SLC25A21: variants seen among roughly 807,000 people sequenced by gnomAD.
SLC25A21 encodes the protein mitochondrial 2-oxodicarboxylate carrier.
In SLC25A21, 47 loss-of-function variants were observed where a neutral mutation model predicts 43.8. The observed-to-expected ratio is 1.07, with a 90% CI of 0.85 to 1.37. SLC25A21 has a LOEUF of 1.37. Ranked by LOEUF, SLC25A21 falls within the 40% of genes most tolerant of loss-of-function variation. The pLI is 0.00. For synonymous variants in SLC25A21, 131 were observed against 121.3 expected, an observed-to-expected ratio of 1.08 and a Z score of -0.52; for missense variants, 352 against 350.2, an observed-to-expected ratio of 1.00 and a Z score of -0.04.
chr14:36,914,670 T>C (rs1038231873), intron 1 of SLC25A21, among the ~76,000 whole-genome samples: 1 of 152,182 alleles, frequency 6.6e-6, no homozygotes, highest in Non-Finnish European at 1.5e-5. Context: ...ACACCTTTTA[T>C]GATAAGCCAA....
At chr14:37,128,538 C>CTCTCTGTGTGTG (rs1555348857) in intron 1 of SLC25A21, among the ~76,000 whole-genome samples, 81 of 122,790 alleles carry the variant, frequency 6.6e-4, no homozygotes, top group Middle Eastern at 4.6e-3. Flanking sequence ...CTCTCTCTCT[C>CTCTCTGTGTGTG]TGTGTGTGTG....
intron 1 of SLC25A21, among the ~76,000 whole-genome samples, chr14:36,993,959 T>C (rs1960318234): frequency 6.6e-6 from 1 of 152,164 alleles, no homozygotes; most frequent in African/African-American, 2.4e-5. Flanking sequence ...ATGAGAGTTT[T>C]TGCATTGTGT....
chr14:37,032,185 A>G (rs746221642), intron 1 of SLC25A21, among the ~76,000 whole-genome samples: 4 of 152,192 alleles, frequency 2.6e-5, no homozygotes, highest in Non-Finnish European at 5.9e-5. Flanking sequence ...TTTTTATGCG[A>G]TAAGATATTT....
intron 1 of SLC25A21, among the ~76,000 whole-genome samples, chr14:37,008,003 T>C (rs1018562389): frequency 4.0e-5 from 6 of 151,702 alleles, no homozygotes; most frequent in South Asian, 4.2e-4. Context: ...GCCTCCCGAG[T>C]AGCTGAAATT....
At chr14:36,757,721 T>C (rs912844475) in intron 3 of SLC25A21, among the ~76,000 whole-genome samples, 3 of 152,246 alleles carry the variant, frequency 2.0e-5, no homozygotes, top group African/African-American at 4.8e-5. Context: ...ATATTGAAAA[T>C]GTAAAGGCAT....
At chr14:37,092,391 T>C (rs1293482856) in intron 1 of SLC25A21, among the ~76,000 whole-genome samples, 1 of 152,202 alleles carries the variant, frequency 6.6e-6, no homozygotes, top group Non-Finnish European at 1.5e-5. Flanking sequence ...ATTACTGTTA[T>C]TTGCTGTAGT....
chr14:36,897,631 G>A (rs978328666), intron 1 of SLC25A21, among the ~76,000 whole-genome samples: 2 of 152,102 alleles, frequency 1.3e-5, no homozygotes, highest in Non-Finnish European at 2.9e-5. Context: ...AGAGTTTCCA[G>A]TTTTACTGCT....
intron 1 of SLC25A21, among the ~76,000 whole-genome samples, chr14:36,938,213 C>G (rs1345993756): frequency 2.0e-5 from 3 of 152,108 alleles, no homozygotes; most frequent in Admixed American, 2.0e-4. Context: ...CTTCGAGAAG[C>G]CTTCTCCTGG....
intron 1 of SLC25A21, among the ~76,000 whole-genome samples, chr14:37,133,143 GCACACACA>G (rs33962615): frequency 4.0e-4 from 59 of 148,078 alleles, no homozygotes; most frequent in Admixed American, 2.4e-3. Context: ...GTGCACTCGT[GCACACACA>G]CACACACACA....
At chr14:36,940,134 G>C (rs575126188) in intron 1 of SLC25A21, among the ~76,000 whole-genome samples, 2 of 152,156 alleles carry the variant, frequency 1.3e-5, no homozygotes, top group South Asian at 4.1e-4. Flanking sequence ...CATTAGACTT[G>C]AACTCAGTCA....
intron 1 of SLC25A21, among the ~76,000 whole-genome samples, chr14:37,100,290 C>G (rs1017352122): frequency 6.6e-6 from 1 of 152,006 alleles, no homozygotes; most frequent in African/African-American, 2.4e-5. Context: ...AACTCCTGAC[C>G]TCAGGTGTTT....
intron 1 of SLC25A21, among the ~76,000 whole-genome samples, chr14:37,001,805 A>G (rs1960495872): frequency 6.6e-6 from 1 of 152,152 alleles, no homozygotes; most frequent in South Asian, 2.1e-4. Flanking sequence ...AAAATGGAAA[A>G]TCATTTTACT....
At chr14:36,725,477 A>AAATT (rs1365611709) in intron 6 of SLC25A21, 93 bp downstream of exon 6, 1 of 45,986 alleles carries the variant, frequency 2.2e-5, no homozygotes, top group African/African-American at 2.0e-4. Flanking sequence ...CTCTGTCCCA[A>AAATT]AATAAATAAA....
chr14:37,069,336 A>G (rs1402464353), intron 1 of SLC25A21, among the ~76,000 whole-genome samples: 1 of 152,222 alleles, frequency 6.6e-6, no homozygotes, highest in East Asian at 1.9e-4. Context: ...AGAGTATAAC[A>G]TGGTTGTGAT....
chr14:37,160,699 G>C (rs1255046397), intron 1 of SLC25A21, among the ~76,000 whole-genome samples: 1 of 152,042 alleles, frequency 6.6e-6, no homozygotes, highest in Non-Finnish European at 1.5e-5. Flanking sequence ...GGAGGCTGAA[G>C]TAGGCAGATC....
chr14:37,136,398 T>G (rs1419686633), intron 1 of SLC25A21, among the ~76,000 whole-genome samples: 1 of 152,158 alleles, frequency 6.6e-6, no homozygotes, highest in African/African-American at 2.4e-5. Flanking sequence ...TATCCAGAAT[T>G]CAGCTGTATG....
intron 1 of SLC25A21, among the ~76,000 whole-genome samples, chr14:36,931,852 T>C (rs531349640): frequency 6.6e-6 from 1 of 152,286 alleles, no homozygotes; most frequent in Admixed American, 6.5e-5. Context: ...TGAATGGAGA[T>C]GGCAAATTAA....
intron 1 of SLC25A21, among the ~76,000 whole-genome samples, chr14:37,161,316 C>T (rs1020386268): frequency 4.6e-5 from 7 of 152,016 alleles, no homozygotes; most frequent in Admixed American, 1.3e-4. Flanking sequence ...TTAACAGTTT[C>T]GGCATAAAGG....
At chr14:36,902,853 C>G (rs1007042851) in intron 1 of SLC25A21, among the ~76,000 whole-genome samples, 1 of 151,986 alleles carries the variant, frequency 6.6e-6, no homozygotes, top group African/African-American at 2.4e-5. Flanking sequence ...GGCATAGAGG[C>G]TTATGCCTGT....
Sources: gnomAD v4.1 joint callset for allele counts (sites outside exome capture counted in the v4.1 genomes callset) on GRCh38, gnomAD v4.1.1 for gene constraint, MANE v1.5 for transcripts, NCBI Gene and HGNC (gene_info 2026-07-23, HGNC 2026-07-21) for gene names.